The following CSMD1 variants were observed in gnomAD, a reference collection of about 807,000 sequenced individuals.
CSMD1 encodes the protein CUB and sushi domain-containing protein 1.
In CSMD1, 213 loss-of-function variants were observed where a neutral mutation model predicts 417.5. The ratio of observed to expected loss-of-function variants is 0.51; its 90% CI spans 0.46 to 0.57. CSMD1 has a LOEUF of 0.57. CSMD1 is among the 20% of genes least tolerant of loss of function. The pLI is 0.00. For synonymous variants in CSMD1, 2,862 were observed against 1,736.8 expected (o/e 1.65, Z -16.11); for missense variants, 6,923 against 4,529.7 (o/e 1.53, Z -15.17).
chr8:3,396,520 C>T, intron 16 of CSMD1, 139 bp from the exon 17 acceptor site: 1 of 608,290 alleles, frequency 1.6e-6, no homozygotes. Flanking sequence ...ATGCTTAAAA[C>T]TTGGGTACAA....
intron 1 of CSMD1, among the ~76,000 whole-genome samples, chr8:4,957,571 CAATT>C (rs1226158201): frequency 6.6e-6 from 1 of 151,822 alleles, no homozygotes; most frequent in Non-Finnish European, 1.5e-5. Context: ...TCTTTGTAGA[CAATT>C]AAAAATAATC....
At chr8:3,868,023 T>C (rs1387840592) in intron 5 of CSMD1, among the ~76,000 whole-genome samples, 2 of 152,116 alleles carry the variant, frequency 1.3e-5, no homozygotes, top group African/African-American at 4.8e-5. Flanking sequence ...CCTTCTCCAA[T>C]CCTGATTTGG....
chr8:4,955,861 T>A (rs1434840659), intron 1 of CSMD1, among the ~76,000 whole-genome samples: 4 of 147,206 alleles, frequency 2.7e-5, no homozygotes, highest in Non-Finnish European at 6.0e-5. Context: ...CCAATCAGTA[T>A]CTTTCCCCTC....
At chr8:4,513,625 T>C (rs1585186597) in intron 2 of CSMD1, among the ~76,000 whole-genome samples, 1 of 152,202 alleles carries the variant, frequency 6.6e-6, no homozygotes, top group Non-Finnish European at 1.5e-5. Context: ...ATTTTGAAGA[T>C]GAAACAATGA....
intron 51 of CSMD1, among the ~76,000 whole-genome samples, chr8:3,022,193 C>T (rs1211028164): frequency 1.3e-5 from 2 of 148,344 alleles, no homozygotes; most frequent in Admixed American, 1.3e-4. Context: ...CCACAGCATC[C>T]GGAATGCACC....
At chr8:4,189,692 G>A (rs897380913) in intron 3 of CSMD1, among the ~76,000 whole-genome samples, 12 of 152,236 alleles carry the variant, frequency 7.9e-5, no homozygotes, top group African/African-American at 2.6e-4. Context: ...CGGAAAGAGT[G>A]TTGAGAATTA....
intron 11 of CSMD1, among the ~76,000 whole-genome samples, chr8:3,492,510 G>A (rs752709770): frequency 6.6e-6 from 1 of 152,204 alleles, no homozygotes; most frequent in Non-Finnish European, 1.5e-5. Flanking sequence ...AACATGAAGA[G>A]AAGCTATCTG....
At chr8:2,969,197 T>C (rs1056507510) in intron 57 of CSMD1, among the ~76,000 whole-genome samples, 2 of 152,194 alleles carry the variant, frequency 1.3e-5, no homozygotes, top group African/African-American at 4.8e-5. Context: ...TAGTGTGAGA[T>C]CTGATGTATT....
intron 1 of CSMD1, among the ~76,000 whole-genome samples, chr8:4,886,528 G>C (rs1013873350): frequency 3.9e-5 from 6 of 151,912 alleles, no homozygotes; most frequent in South Asian, 2.1e-4. Flanking sequence ...GAGTTGGAAA[G>C]TGTTTCCTTC....
At chr8:3,662,884 T>G (rs900596839) in intron 7 of CSMD1, among the ~76,000 whole-genome samples, 3 of 151,996 alleles carry the variant, frequency 2.0e-5, no homozygotes, top group African/African-American at 4.8e-5. Flanking sequence ...AAATATGTAA[T>G]GCATGAGAGG....
rs188139696 is a variant in CSMD1 at position 3,504,488 on chromosome 8, T to A, written c.1345-10762A>T. On this transcript the variant is annotated intron_variant, in intron 10 of 69. Coordinates refer to ENST00000635120, the MANE Select transcript of CSMD1 (RefSeq NM_033225.6). ...AGACACTTGATCAATGGCAGTTGTG[T>A]TCATTATTATCCTCATGGCAACCCT... Among the ~76,000 whole-genome samples the A allele has an allele frequency of 5.7e-3, 867 of 152,302 alleles. 10 individuals are homozygous for A. Among genetic ancestry groups the A allele is most frequent in the South Asian group, 0.047 (225 of 4,822 alleles).
intron 2 of CSMD1, among the ~76,000 whole-genome samples, chr8:4,587,531 G>C (rs192805329): frequency 1.3e-5 from 2 of 151,920 alleles, no homozygotes; most frequent in African/African-American, 4.8e-5. Flanking sequence ...CCTTGTCCAA[G>C]TGTCTAACAC....
Position 4,708,200 on chromosome 8 carries a change from T to C in CSMD1, c.86-70642A>G, listed in dbSNP as rs1471825273. The stretch of plus-strand genomic sequence containing the variant: ...AATCTCCACAAACAATCCACCTACC[T>C]GGGCCTTCTAAAGTGCTGAGATTAC... On this transcript the variant is annotated intron_variant, in intron 1 of 69. Transcript: ENST00000635120. 2.0e-5 allele frequency among the ~76,000 whole-genome samples: 3 copies of C among 152,278 alleles called. No homozygotes were observed. In the South Asian group the frequency reaches 6.2e-4, roughly 32 times the overall value.
intron 5 of CSMD1, among the ~76,000 whole-genome samples, chr8:3,770,672 G>A (rs1030757242): frequency 1.2e-4 from 19 of 152,162 alleles, no homozygotes; most frequent in Admixed American, 2.0e-4. Flanking sequence ...ATGACTGACT[G>A]TCGCCCCAAC....
chr8:3,896,767 C>T (rs191915328), intron 5 of CSMD1, among the ~76,000 whole-genome samples: 21 of 152,030 alleles, frequency 1.4e-4, no homozygotes, highest in East Asian at 7.7e-4. Context: ...AAGAAATATA[C>T]GTAAACAGCA....
At chr8:4,335,663 G>A (rs1030279749) in intron 3 of CSMD1, among the ~76,000 whole-genome samples, 6 of 152,208 alleles carry the variant, frequency 3.9e-5, no homozygotes, top group Middle Eastern at 3.4e-3. Context: ...GTTGCTGGGA[G>A]CATGAAGTAT....
At chr8:3,904,279 G>A (rs560779849) in intron 5 of CSMD1, among the ~76,000 whole-genome samples, 1 of 152,110 alleles carries the variant, frequency 6.6e-6, no homozygotes, top group Non-Finnish European at 1.5e-5. Flanking sequence ...CAAATCATAG[G>A]TTCTTCCTGG....
rs558407087 is a variant in CSMD1 at position 3,883,110 on chromosome 8, G to C, written c.818+114793C>G. On this transcript the variant is annotated intron_variant, in intron 5 of 69. Coordinates refer to ENST00000635120, the MANE Select transcript of CSMD1 (RefSeq NM_033225.6). ...TCTAAGAATTCCCTAAGAATCCTTA[G>C]TGTAAATAACAAAATAAAAATAACC... 3.9e-5 allele frequency among the ~76,000 whole-genome samples: 6 copies of C among 152,268 alleles called. No individual in the cohort carries two copies. The South Asian group carries it at 6.2e-4, about 16-fold the overall frequency.
At chr8:4,449,965 T>C (rs920173383) in intron 2 of CSMD1, among the ~76,000 whole-genome samples, 7 of 152,336 alleles carry the variant, frequency 4.6e-5, no homozygotes, top group African/African-American at 1.7e-4. Flanking sequence ...TTCTTGTTTT[T>C]CCACATTCTG....
Sources: gnomAD v4.1 joint callset for allele counts (sites outside exome capture counted in the v4.1 genomes callset) on GRCh38, gnomAD v4.1.1 for gene constraint, MANE v1.5 for transcripts, NCBI Gene and HGNC (gene_info 2026-07-23, HGNC 2026-07-21) for gene names.